The following LMNA variants were observed in gnomAD, a reference collection of about 807,000 sequenced individuals.
LMNA encodes lamin A/C.
LMNA carries 20 observed loss-of-function variants against 70.4 expected under a neutral mutation model. That is an observed-to-expected ratio of 0.28 (90% CI 0.20 to 0.41). The LOEUF (loss-of-function observed/expected upper bound fraction) is 0.41. LMNA is among the 10% of genes least tolerant of loss of function. The pLI is 1.00. For synonymous variants in LMNA, 339 were observed against 372.8 expected (o/e 0.91, Z 1.04); for missense variants, 652 against 917.2 (o/e 0.71, Z 3.73).
chr1:156,122,237 T>C (rs1650237796), intron 1 of LMNA, among the ~76,000 whole-genome samples: 1 of 152,186 alleles, frequency 6.6e-6, no homozygotes, highest in African/African-American at 2.4e-5. Context: ...TTTCACTAAA[T>C]TGCTGTGTGA....
intron 1 of LMNA, chr1:156,126,739 T>C (rs1193400133): frequency 8.3e-6 from 13 of 1,566,876 alleles, no homozygotes; most frequent in Non-Finnish European, 1.1e-5. Flanking sequence ...AGATCAGATT[T>C]GCCAGTGATG....
chr1:156,101,685 T>C (rs912415812), intron 3 of LMNA, among the ~76,000 whole-genome samples: 1 of 142,176 alleles, frequency 7.0e-6, no homozygotes, highest in Non-Finnish European at 1.5e-5. Context: ...GGAATCACTA[T>C]GGTTTATAGA....
rs397517908 is a variant in LMNA, at chr1:156,134,926, AC to A, written c.763del (p.Gln255ArgfsTer225). 6.2e-7 allele frequency: 1 copy of A among 1,614,202 alleles called. No individual in the cohort carries two copies. Among genetic ancestry groups the A allele is most frequent in the Non-Finnish European group, 8.5e-7 (1 of 1,180,028 alleles). On this transcript the variant is annotated frameshift_variant, in exon 4 of 12. Transcript: ENST00000368300. LOFTEE classifies it high-confidence loss of function. The surrounding 1 kb of genome is among the most constrained non-coding windows in gnomAD (Gnocchi z 5.3). ...CAGGAACTGCGGGCCCAGCATGAGG[AC>A]CAGGTGGAGCAGTATAAGAAGGAGC... ...ALQELRAQHE[D>X]QVEQYKKELE...
intron 2 of LMNA, among the ~76,000 whole-genome samples, chr1:156,086,426 T>C (rs868452813): frequency 2.1e-5 from 2 of 95,814 alleles, no homozygotes; most frequent in African/African-American, 4.6e-5. Context: ...CTCTCTCTCT[T>C]TTGTCTTTCT....
rs886045363 is a variant in LMNA, at chr1:156,115,212, G to A, written c.294G>A (p.Glu98=). ...ARKTLDSVAK[E]RARLQLELSK... ...AGACCCTTGACTCAGTAGCCAAGGA[G>A]CGCGCCCGCCTGCAGCTGGAGCTGA... Residue 98 remains glutamate, a synonymous_variant, in exon 1 of 12, where the codon GAG becomes GAA. Transcript: ENST00000368300. The surrounding 1 kb of genome is among the most constrained non-coding windows in gnomAD (Gnocchi z 5.8). The A allele has an allele frequency of 8.1e-6, 13 of 1,612,938 alleles. No individual in the cohort carries two copies. The highest frequency in any genetic ancestry group is 8.5e-6 in the Non-Finnish European group (10 of 1,179,758).
Position 156,114,992 on chromosome 1 carries a change from G to T in LMNA, c.74G>T (p.Arg25Leu), listed in dbSNP as rs61578124. 1.6e-5 allele frequency: 26 copies of T among 1,598,306 alleles called. No homozygotes were observed. The highest frequency in any genetic ancestry group is 4.3e-6 in the Non-Finnish European group (5 of 1,172,788). Residue 25 changes from arginine to leucine, a missense_variant, in exon 1 of 12, where the codon CGC becomes CTC. Coordinates refer to ENST00000368300, the MANE Select transcript of LMNA (RefSeq NM_170707.4). Reference sequence around the variant, plus strand: ...AGCTCCACTCCGCTGTCGCCCACCCGCATCACCCGGCTGCAGGAGAAGGAG... The same window carrying T: ...AGCTCCACTCCGCTGTCGCCCACCCTCATCACCCGGCTGCAGGAGAAGGAG... ...QASSTPLSPT[R>L]ITRLQEKEDL...
At chr1:156,096,292 A>C (rs983658413) in intron 3 of LMNA, among the ~76,000 whole-genome samples, 1 of 152,164 alleles carries the variant, frequency 6.6e-6, no homozygotes, top group Non-Finnish European at 1.5e-5. Context: ...GGTGGGTGGC[A>C]GTGCACTGTG....
intron 2 of LMNA, among the ~76,000 whole-genome samples, chr1:156,132,298 CA>C (rs984092814): frequency 4.6e-5 from 7 of 151,914 alleles, no homozygotes; most frequent in African/African-American, 1.7e-4. Context: ...GGTGAAACCC[CA>C]TCTCTACTAC....
Position 156,138,904 on chromosome 1 carries a change from T to C in LMNA, c.1968+147T>C. ...AGCCTCCTCCCCACAGCCTGAGTCC[T>C]AGACAGCCCACCTCTGCATCCTGCC... On this transcript the variant is annotated intron_variant, in intron 11 of 11. Coordinates refer to ENST00000368300, the MANE Select transcript of LMNA (RefSeq NM_170707.4). The surrounding 1 kb of genome is among the most constrained non-coding windows in gnomAD (Gnocchi z 5.5). The C allele has an allele frequency of 7.6e-7, 1 of 1,315,232 alleles. No homozygotes were observed. Among genetic ancestry groups the C allele is most frequent in the Non-Finnish European group, 1.1e-6 (1 of 925,978 alleles). The allele number at this position is 1,315,232 out of a possible 1,614,324, so 81.5% of individuals were successfully genotyped here.
Position 156,115,213 on chromosome 1 carries a change from C to G in LMNA, c.295C>G (p.Arg99Gly). The G allele has an allele frequency of 1.2e-6, 2 of 1,612,806 alleles. No individual in the cohort carries two copies. The highest frequency in any genetic ancestry group is 1.7e-6 in the Non-Finnish European group (2 of 1,179,706). Residue 99 changes from arginine to glycine, a missense_variant, in exon 1 of 12, where the codon CGC becomes GGC. Arg to Gly is a moderately radical substitution (Grantham distance 125). Coordinates refer to ENST00000368300, the MANE Select transcript of LMNA (RefSeq NM_170707.4). The surrounding 1 kb of genome is among the most constrained non-coding windows in gnomAD (Gnocchi z 5.8). ...GACCCTTGACTCAGTAGCCAAGGAG[C>G]GCGCCCGCCTGCAGCTGGAGCTGAG... ...RKTLDSVAKERARLQLELSKV... is the reference protein window; with the variant it reads ...RKTLDSVAKEGARLQLELSKV...
At chr1:156,083,475 TTCCACTCTGTTTCC>T (rs1381442928) in intron 2 of LMNA, 2 of 152,306 alleles carry the variant, frequency 1.3e-5, no homozygotes, top group Non-Finnish European at 2.9e-5. Flanking sequence ...TCATCGTAAT[TTCCACTCTGTTTCC>T]TCCACCTCTC....
rs762718963 is a variant in LMNA, at chr1:156,135,273, C to T, written c.897C>T (p.Ile299=). The change falls in exon 5 of 12, where the codon ATC becomes ATT. Residue 299 remains isoleucine (I), a synonymous_variant. Transcript: ENST00000368300. This position sits in a 1 kb window ranked among gnomAD's most constrained non-coding sequence, Gnocchi z 4.8. ...AGCTGCAGCAGTCGCGCATCCGCAT[C>T]GACAGCCTCTCTGCCCAGCTCAGCC... ...HEELQQSRIR[I]DSLSAQLSQL... 1.6e-5 allele frequency: 26 copies of T among 1,613,482 alleles called. No homozygotes were observed. The highest frequency in any genetic ancestry group is 1.6e-4 in the African/African-American group (12 of 74,934).
At position 156,115,399 on chromosome 1, in the gene LMNA, C is replaced by A; in HGVS notation, c.356+125C>A. On this transcript the variant is annotated intron_variant, in intron 1 of 11. Coordinates refer to ENST00000368300, the MANE Select transcript of LMNA (RefSeq NM_170707.4). This position sits in a 1 kb window ranked among gnomAD's most constrained non-coding sequence, Gnocchi z 5.8. ...GCCGATAACTTTGCCATAGTCTCCT[C>A]CCTCCCCGGAACTGCCCCCAGCGGG... 1 of 859,808 alleles carries A rather than the reference C, an allele frequency of 1.2e-6. No homozygotes were observed. The highest frequency in any genetic ancestry group is 1.9e-6 in the Non-Finnish European group (1 of 533,170). 53.3% of individuals were successfully genotyped at this position (859,808 alleles called of 1,614,324 possible).
upstream of LMNA, among the ~76,000 whole-genome samples, chr1:156,112,594 A>G (rs2102812109): frequency 6.6e-6 from 1 of 152,204 alleles, no homozygotes; most frequent in East Asian, 1.9e-4. Context: ...GAAGAACAAG[A>G]CTTTTTATTG....
At chr1:156,096,776 C>T (rs998752886) in intron 3 of LMNA, among the ~76,000 whole-genome samples, 6 of 152,254 alleles carry the variant, frequency 3.9e-5, no homozygotes, top group South Asian at 2.1e-4. Context: ...GGCTGGTCTC[C>T]GCTGGGCCAG....
At chr1:156,108,273 ATACCC>A (rs1649420815) in intron 3 of LMNA, among the ~76,000 whole-genome samples, 2 of 152,096 alleles carry the variant, frequency 1.3e-5, no homozygotes, top group African/African-American at 4.8e-5. Flanking sequence ...TCATTGTTTA[ATACCC>A]TGTAGTCAAA....
At chr1:156,121,076 G>C (rs1411888560) in intron 1 of LMNA, among the ~76,000 whole-genome samples, 1 of 115,728 alleles carries the variant, frequency 8.6e-6, no homozygotes, top group East Asian at 2.4e-4. Context: ...TTTTTTGACA[G>C]TCTCGCTCCC....
intron 2 of LMNA, among the ~76,000 whole-genome samples, chr1:156,088,585 T>C (rs1648572150): frequency 6.6e-6 from 1 of 152,206 alleles, no homozygotes; most frequent in Non-Finnish European, 1.5e-5. Context: ...GAAGGATTGC[T>C]TGAGCCCAGG....
At chr1:156,123,577 G>C (rs1650347811) in intron 1 of LMNA, among the ~76,000 whole-genome samples, 1 of 152,004 alleles carries the variant, frequency 6.6e-6, no homozygotes, top group African/African-American at 2.4e-5. Context: ...GCCCCCTTCA[G>C]GACATTCTAC....
Sources: allele counts gnomAD v4.1 joint callset (sites outside exome capture counted in the v4.1 genomes callset), GRCh38; gene constraint gnomAD v4.1.1; non-coding constraint Gnocchi (gnomAD v3.1); transcripts MANE v1.5; gene names NCBI Gene and HGNC (gene_info 2026-07-23, HGNC 2026-07-21).